Variants in CTNNA3 observed in about 807,000 individuals in gnomAD.
CTNNA3 encodes the protein catenin alpha-3.
A neutral mutation model predicts 95.7 loss-of-function variants in CTNNA3; 76 were observed. The ratio of observed to expected loss-of-function variants is 0.79; its 90% CI spans 0.66 to 0.96. The LOEUF is 0.96. Among genes scored for constraint, CTNNA3 ranks in the 40% least tolerant of loss-of-function variants. The probability of loss-of-function intolerance (pLI) is 0.00; values close to 1 mark genes in which losing one functional copy is unlikely to be tolerated. For synonymous variants in CTNNA3, 431 were observed against 374.4 expected, an observed-to-expected ratio of 1.15 and a Z score of -1.74; for missense variants, 1,191 against 1,089.8, an observed-to-expected ratio of 1.09 and a Z score of -1.31.
intron 7 of CTNNA3, among the ~76,000 whole-genome samples, chr10:67,107,776 G>A (rs952429928): frequency 5.1e-4 from 78 of 152,064 alleles, no homozygotes; most frequent in African/African-American, 1.8e-3. Flanking sequence ...CTCCAAACAG[G>A]TCTGCACACT....
At chr10:67,736,519 G>T (rs1484743440) in intron 1 of CTNNA3, among the ~76,000 whole-genome samples, 1 of 141,108 alleles carries the variant, frequency 7.1e-6, no homozygotes, top group East Asian at 2.1e-4. Context: ...GCAGTGGCAC[G>T]TTCTCGGCTG....
intron 9 of CTNNA3, among the ~76,000 whole-genome samples, chr10:66,669,915 G>A (rs1018685820): frequency 2.0e-5 from 3 of 152,176 alleles, no homozygotes; most frequent in Non-Finnish European, 2.9e-5. Context: ...GTGAGGCAGT[G>A]AGGGTGAGGA....
At chr10:66,727,308 T>G (rs867383098) in intron 9 of CTNNA3, among the ~76,000 whole-genome samples, 4 of 151,990 alleles carry the variant, frequency 2.6e-5, no homozygotes, top group South Asian at 2.1e-4. Context: ...ATAGCAACAG[T>G]TATATCTACA....
At chr10:67,483,511 A>G (rs28778270) in intron 5 of CTNNA3, among the ~76,000 whole-genome samples, 42,578 of 149,528 alleles carry the variant, frequency 0.28, 10,365 homozygotes, top group African/African-American at 0.67. Context: ...GTAAACTATC[A>G]CAAGGACAAA....
At chr10:66,337,047 G>T (rs1172029988) in intron 12 of CTNNA3, among the ~76,000 whole-genome samples, 2 of 151,624 alleles carry the variant, frequency 1.3e-5, no homozygotes, top group Non-Finnish European at 2.9e-5. Flanking sequence ...AAATAGATTT[G>T]GGAAATGTAA....
intron 15 of CTNNA3, among the ~76,000 whole-genome samples, chr10:66,029,990 A>G (rs2079418402): frequency 1.3e-5 from 2 of 152,270 alleles, no homozygotes; most frequent in African/African-American, 4.8e-5. Flanking sequence ...TGAACAAAGC[A>G]TGAATGACAT....
At chr10:66,803,312 T>C (rs569117787) in intron 7 of CTNNA3, among the ~76,000 whole-genome samples, 3 of 152,154 alleles carry the variant, frequency 2.0e-5, no homozygotes, top group African/African-American at 7.2e-5. Context: ...CATTAGCACA[T>C]GAATTCTGTT....
At chr10:66,757,243 T>G (rs939032250) in intron 9 of CTNNA3, among the ~76,000 whole-genome samples, 11 of 152,100 alleles carry the variant, frequency 7.2e-5, no homozygotes, top group African/African-American at 2.4e-4. Context: ...GTCTCCACCT[T>G]AGGGCTGAGA....
intron 11 of CTNNA3, among the ~76,000 whole-genome samples, chr10:66,512,617 G>T (rs10997210): frequency 0.046 from 6,941 of 152,004 alleles, 446 homozygotes; most frequent in East Asian, 0.31. Context: ...ATCTGCTTTT[G>T]CTTAATTGAT....
chr10:67,600,201 T>C (rs1290681262), intron 3 of CTNNA3, among the ~76,000 whole-genome samples: 3 of 152,082 alleles, frequency 2.0e-5, no homozygotes, highest in African/African-American at 7.2e-5. Flanking sequence ...AAATATGACC[T>C]CTAATTCACA....
At chr10:67,006,355 T>C (rs773470516) in intron 7 of CTNNA3, among the ~76,000 whole-genome samples, 54 of 152,306 alleles carry the variant, frequency 3.5e-4, no homozygotes, top group Middle Eastern at 3.4e-3. Flanking sequence ...TAATAAACTT[T>C]GCAAAAGTCG....
At chr10:66,685,286 T>TGTGTATATATAC (rs1847231314) in intron 9 of CTNNA3, among the ~76,000 whole-genome samples, 13 of 14,056 alleles carry the variant, frequency 9.2e-4, no homozygotes, top group African/African-American at 3.9e-3. Context: ...TATATATAAG[T>TGTGTATATATAC]ATATATATGT....
chr10:67,465,798 CA>C (rs1847567976), intron 5 of CTNNA3, among the ~76,000 whole-genome samples: 1 of 152,042 alleles, frequency 6.6e-6, no homozygotes, highest in South Asian at 2.1e-4. Context: ...TGCACATGCA[CA>C]AAAAATTAAT....
intron 5 of CTNNA3, among the ~76,000 whole-genome samples, chr10:67,290,240 T>TTTA (rs1839781805): frequency 6.6e-6 from 1 of 152,172 alleles, no homozygotes; most frequent in South Asian, 2.1e-4. Flanking sequence ...TTTATTTTAT[T>TTTA]TTGGTTTATT....
At chr10:66,351,331 T>G (rs2132391885) in intron 12 of CTNNA3, among the ~76,000 whole-genome samples, 1 of 152,148 alleles carries the variant, frequency 6.6e-6, no homozygotes, top group African/African-American at 2.4e-5. Flanking sequence ...TTTCCTCTAA[T>G]TTTTCAGATA....
rs1480497807 is a variant in CTNNA3, at chr10:66,708,881, TG to T, written c.1281+57382del. ...CATTTATAGAGAGTTAATCATTGTG[TG>T]GTGGGATAATAATTTTGAAATATCA... On this transcript the variant is annotated intron_variant, in intron 9 of 17. Coordinates refer to ENST00000433211, the MANE Select transcript of CTNNA3 (RefSeq NM_013266.4). Among the ~76,000 whole-genome samples the T allele has an allele frequency of 2.6e-5, 4 of 152,150 alleles. No homozygotes were observed. In the East Asian group the frequency reaches 5.8e-4, roughly 22 times the overall value.
chr10:66,278,147 C>A (rs2091430138), intron 13 of CTNNA3, among the ~76,000 whole-genome samples: 1 of 144,656 alleles, frequency 6.9e-6, no homozygotes, highest in Admixed American at 7.1e-5. Flanking sequence ...AAAACAAGAA[C>A]AGAACAAATC....
At chr10:67,690,719 C>A (rs938094752) in intron 1 of CTNNA3, among the ~76,000 whole-genome samples, 1 of 152,226 alleles carries the variant, frequency 6.6e-6, no homozygotes, top group Admixed American at 6.5e-5. Flanking sequence ...GCCAGCTTCA[C>A]CTCTCAAGAG....
At chr10:66,181,552 GTTCC>G (rs2086039331) in intron 13 of CTNNA3, among the ~76,000 whole-genome samples, 2 of 152,140 alleles carry the variant, frequency 1.3e-5, no homozygotes, top group South Asian at 4.2e-4. Context: ...CCCACCCTCA[GTTCC>G]TTCCAGAGTG....
Sources: gnomAD v4.1 joint callset for allele counts (sites outside exome capture counted in the v4.1 genomes callset) on GRCh38, gnomAD v4.1.1 for gene constraint, MANE v1.5 for transcripts, NCBI Gene and HGNC (gene_info 2026-07-23, HGNC 2026-07-21) for gene names.